The following EHBP1 variants were observed in gnomAD, a reference collection of about 807,000 sequenced individuals.
EHBP1 encodes EH domain-binding protein 1.
In EHBP1, 55 loss-of-function variants were observed where a neutral mutation model predicts 144.0. That is an observed-to-expected ratio of 0.38 (90% CI 0.31 to 0.48). The LOEUF is 0.48. Among genes scored for constraint, EHBP1 ranks in the 20% least tolerant of loss-of-function variants. The pLI is 0.98. For missense variants in EHBP1, 1,200 were observed against 1,364.2 expected (o/e 0.88, Z 1.90); for synonymous variants, 469 against 472.7 (o/e 0.99, Z 0.10).
rs78875722 is a variant in EHBP1, at chr2:62,709,945, T to C, written c.104+2650T>C. ...GGGCCTATTCATCATCATTCCTTGA[T>C]TGCCACATGAAGGGGCTTTAGCAAA... On this transcript the variant is annotated intron_variant, in intron 2 of 22. Transcript: ENST00000431489. Among the ~76,000 whole-genome samples, 73 of 152,242 alleles carry C rather than the reference T, an allele frequency of 4.8e-4. No homozygotes were observed. In the East Asian group the frequency reaches 0.011, roughly 22 times the overall value.
intron 5 of EHBP1, among the ~76,000 whole-genome samples, chr2:62,806,065 G>A (rs1170811357): frequency 6.6e-6 from 1 of 151,154 alleles, no homozygotes; most frequent in African/African-American, 2.4e-5. Context: ...CTGCAGCCTC[G>A]ACCTCCTGGG....
chr2:62,771,457 C>T lies in EHBP1; in HGVS notation c.312+65C>T, dbSNP rs1448970973. On this transcript the variant is annotated intron_variant, in intron 5 of 22. Coordinates refer to ENST00000431489, the MANE Select transcript of EHBP1 (RefSeq NM_001142616.3). Reference sequence around the variant, plus strand: ...ACTTTATATATGCATTATTAAGGTACATTGGCATTTTGGTGGTAGGAAAAA... The same window carrying T: ...ACTTTATATATGCATTATTAAGGTATATTGGCATTTTGGTGGTAGGAAAAA... The T allele has an allele frequency of 4.1e-6, 5 of 1,230,884 alleles. No homozygotes were observed. In the African/African-American group the frequency reaches 6.2e-5, roughly 15 times the overall value. 76.2% of individuals were successfully genotyped at this position (1,230,884 alleles called of 1,614,324 possible).
At chr2:62,847,568 C>T (rs2048378739) in intron 7 of EHBP1, among the ~76,000 whole-genome samples, 1 of 152,110 alleles carries the variant, frequency 6.6e-6, no homozygotes, top group Non-Finnish European at 1.5e-5. Context: ...GGCATAGTGG[C>T]ACGCACCTAT....
At chr2:62,839,692 CCAA>C (rs2047628291) in intron 7 of EHBP1, among the ~76,000 whole-genome samples, 1 of 151,880 alleles carries the variant, frequency 6.6e-6, no homozygotes, top group East Asian at 1.9e-4. Context: ...TTCTTATACA[CCAA>C]CAACAGACAG....
chr2:62,912,183 A>G (rs1318561397), intron 10 of EHBP1, among the ~76,000 whole-genome samples: 1 of 152,206 alleles, frequency 6.6e-6, no homozygotes, highest in Non-Finnish European at 1.5e-5. Context: ...TCAGAGAGTC[A>G]CATTAAATCC....
Position 62,955,571 on chromosome 2 carries a change from G to C in EHBP1, c.2371G>C (p.Glu791Gln), listed in dbSNP as rs763293601. Reference sequence around the variant, plus strand: ...TAAGGAAAGAGCAAGAGTTCTGCTTGAGCAAGCAAGAAGAGATGCAGCCTT... The same window carrying C: ...TAAGGAAAGAGCAAGAGTTCTGCTTCAGCAAGCAAGAAGAGATGCAGCCTT... ...ELKERARVLL[E>Q]QARRDAALKA... Residue 791 changes from glutamate to glutamine, a missense_variant, in exon 14 of 23, where the codon GAG becomes CAG. Physicochemically the swap from Glu to Gln is conservative, Grantham distance 29. Coordinates refer to ENST00000431489, the MANE Select transcript of EHBP1 (RefSeq NM_001142616.3). 2 of 1,612,846 alleles carry C rather than the reference G, an allele frequency of 1.2e-6. No homozygotes were observed. Among genetic ancestry groups the C allele is most frequent in the Non-Finnish European group, 1.7e-6 (2 of 1,179,352 alleles).
chr2:63,030,592 A>G (rs538259189), intron 19 of EHBP1, among the ~76,000 whole-genome samples: 1 of 151,580 alleles, frequency 6.6e-6, no homozygotes, highest in Admixed American at 6.6e-5. Context: ...GGTTCACGCC[A>G]TTCTCCTGCC....
At chr2:62,835,384 G>C (rs1573604201) in intron 7 of EHBP1, among the ~76,000 whole-genome samples, 1 of 152,080 alleles carries the variant, frequency 6.6e-6, no homozygotes, top group Non-Finnish European at 1.5e-5. Context: ...ATATAACCTA[G>C]TTTCATTTTA....
chr2:63,039,108 C>T (rs900213056), intron 21 of EHBP1, among the ~76,000 whole-genome samples: 1 of 152,124 alleles, frequency 6.6e-6, no homozygotes, highest in African/African-American at 2.4e-5. Context: ...GATTTAATTA[C>T]ATTTTACTTA....
chr2:62,906,001 T>C (rs1328425210), intron 10 of EHBP1, among the ~76,000 whole-genome samples: 4 of 148,586 alleles, frequency 2.7e-5, no homozygotes, highest in Non-Finnish European at 4.6e-5. Context: ...GCTTTTGACG[T>C]TGTATATAAA....
In EHBP1 at chr2:62,809,502, T is replaced by C. The variant is rs182702860; in HGVS notation, c.313-16585T>C. Among the ~76,000 whole-genome samples the C allele has an allele frequency of 3.3e-5, 5 of 152,198 alleles. No individual in the cohort carries two copies. The East Asian group carries it at 9.7e-4, about 29-fold the overall frequency. ...CCTGGAGTTTTTTTGTTTTTTGTTT[T>C]TATAATTTCAATTTTTATTTTAGAT... is the stretch of plus-strand genomic sequence containing the variant. On this transcript the variant is annotated intron_variant, in intron 5 of 22. Coordinates refer to ENST00000431489, the MANE Select transcript of EHBP1 (RefSeq NM_001142616.3).
chr2:62,781,791 T>C (rs1418545603), intron 5 of EHBP1, among the ~76,000 whole-genome samples: 3 of 152,206 alleles, frequency 2.0e-5, no homozygotes, highest in Non-Finnish European at 4.4e-5. Flanking sequence ...TAAAATTACT[T>C]AGGCCAGTGT....
At chr2:62,682,570 T>A (rs1021882965) in intron 1 of EHBP1, among the ~76,000 whole-genome samples, 1 of 152,234 alleles carries the variant, frequency 6.6e-6, no homozygotes, top group African/African-American at 2.4e-5. Context: ...TGGGTTCTAT[T>A]TTGCAGATAG....
intron 3 of EHBP1, among the ~76,000 whole-genome samples, chr2:62,762,481 CAT>C (rs2040843346): frequency 6.6e-6 from 1 of 152,196 alleles, no homozygotes; most frequent in African/African-American, 2.4e-5. Flanking sequence ...AGAGGCAACT[CAT>C]ATTTAATGTG....
In EHBP1 at chr2:62,705,769, G is replaced by C. The variant is rs2151779954; in HGVS notation, c.-579G>C. ...TGATGGTGGCGGAGGAGAAAGGCGG[G>C]GGAGGGGGTGCTGGGCGCTGAGCGG... On this transcript the variant is annotated 5_prime_UTR_variant, in exon 1 of 23. Transcript: ENST00000431489. The C allele has an allele frequency of 6.6e-6, 1 of 152,058 alleles. No individual in the cohort carries two copies. Among genetic ancestry groups the C allele is most frequent in the South Asian group, 2.0e-4 (1 of 4,998 alleles). 9.4% of individuals were successfully genotyped at this position (152,058 alleles called of 1,614,324 possible). A position where few individuals can be genotyped will look rare whatever the true frequency, so the allele number is the denominator to read the frequency against.
At chr2:62,812,673 A>G (rs955886139) in intron 5 of EHBP1, among the ~76,000 whole-genome samples, 12 of 152,308 alleles carry the variant, frequency 7.9e-5, no homozygotes, top group Non-Finnish European at 1.2e-4. Context: ...AATTATGTCT[A>G]TGTCCAAGGG....
rs1367569633 is a variant in EHBP1 at position 62,826,277 on chromosome 2, C to A, written c.494+9C>A. On this transcript the variant is annotated intron_variant, in intron 6 of 22. Transcript: ENST00000431489. ...AGGGAAGGAAAAGCCACGTAAGTTT[C>A]TTTTGTCAAATAAGCTTCCTTACAT... The A allele has an allele frequency of 8.2e-6, 13 of 1,590,128 alleles. No homozygotes were observed. The African/African-American group carries it at 1.8e-4, about 22-fold the overall frequency.
intron 16 of EHBP1, 66 bp downstream of exon 16, chr2:62,990,906 G>A: frequency 1.3e-6 from 2 of 1,511,254 alleles, no homozygotes; most frequent in East Asian, 2.4e-5. Flanking sequence ...CCAGGAGTTT[G>A]TAATTCCAAA....
At chr2:63,017,837 G>A (rs900520220) in intron 19 of EHBP1, among the ~76,000 whole-genome samples, 6 of 152,200 alleles carry the variant, frequency 3.9e-5, no homozygotes, top group Non-Finnish European at 8.8e-5. Flanking sequence ...CAGACATATA[G>A]TTTAAAGAAA....
Sources: allele counts gnomAD v4.1 joint callset (sites outside exome capture counted in the v4.1 genomes callset), GRCh38; gene constraint gnomAD v4.1.1; transcripts MANE v1.5; gene names NCBI Gene and HGNC (gene_info 2026-07-23, HGNC 2026-07-21).